MRPS7: variants seen among roughly 807,000 people sequenced by gnomAD.
MRPS7 encodes mitochondrial ribosomal protein S7.
A neutral mutation model predicts 26.2 loss-of-function variants in MRPS7; 13 were observed. The observed-to-expected ratio is 0.50, with a 90% CI of 0.32 to 0.79. The LOEUF (loss-of-function observed/expected upper bound fraction) is 0.79. Ranked by LOEUF, MRPS7 falls within the 30% of genes least tolerant of loss-of-function variation. The probability of loss-of-function intolerance (pLI) is 0.03; values close to 1 mark genes in which losing one functional copy is unlikely to be tolerated. For synonymous variants in MRPS7, 129 were observed against 113.3 expected, an observed-to-expected ratio of 1.14 and a Z score of -0.88; for missense variants, 318 against 312.2, an observed-to-expected ratio of 1.02 and a Z score of -0.14.
At chr17:75,263,174 C>G (rs1289141301) in intron 3 of MRPS7, 166 bp from the exon 4 acceptor site, 3 of 787,908 alleles carry the variant, frequency 3.8e-6, no homozygotes, top group African/African-American at 1.7e-5. Context: ...CTGTCCTAGT[C>G]TAGCAAAGGG....
intron 3 of MRPS7, 72 bp from the exon 4 acceptor site, chr17:75,263,268 C>T (rs903002140): frequency 3.8e-6 from 6 of 1,574,286 alleles, no homozygotes; most frequent in South Asian, 3.4e-5. Flanking sequence ...GAGTAAAGGG[C>T]AAGGTACTAG....
chr17:75,264,389 C>T (rs1238031912), intron 4 of MRPS7: 1 of 152,134 alleles, frequency 6.6e-6, no homozygotes, highest in Admixed American at 6.6e-5. Context: ...CTTTGTATGC[C>T]AGTGTTTGGC....
At chr17:75,262,029 A>C (rs1184042297) in intron 1 of MRPS7, 46 bp downstream of exon 1, 2 of 1,595,804 alleles carry the variant, frequency 1.3e-6, no homozygotes. Flanking sequence ...CGAGGAAGGA[A>C]GGGGGCCACA....
Position 75,265,787 on chromosome 17 carries a change from G to T in MRPS7, c.593G>T (p.Arg198Leu). Residue 198 changes from arginine to leucine, a missense_variant, in exon 5 of 5, where the codon CGG becomes CTG. Coordinates refer to ENST00000245539, the MANE Select transcript of MRPS7 (RefSeq NM_015971.4). ...GAGTGCCGGGATAAAAAGCACCAGC[G>T]GACACTGATGCCGGAGAAGCTGTCA... is the stretch of plus-strand genomic sequence containing the variant. ...ITECRDKKHQ[R>L]TLMPEKLSHK... 2 of 1,614,172 alleles carry T rather than the reference G, an allele frequency of 1.2e-6. No individual in the cohort carries two copies. Among genetic ancestry groups the T allele is most frequent in the Non-Finnish European group, 1.7e-6 (2 of 1,180,040 alleles).
chr17:75,262,106 T>A, intron 1 of MRPS7, 123 bp downstream of exon 1: 1 of 1,180,302 alleles, frequency 8.5e-7, no homozygotes, highest in Non-Finnish European at 1.2e-6. Flanking sequence ...TTCAAGCTTC[T>A]AAGTTAGCTG....
rs756272776 is a variant in MRPS7 at position 75,263,523 on chromosome 17, G to T, written c.507+16G>T. 2 of 1,613,774 alleles carry T rather than the reference G, an allele frequency of 1.2e-6. No homozygotes were observed. The highest frequency in any genetic ancestry group is 1.7e-6 in the Non-Finnish European group (2 of 1,179,974). Reference sequence around the variant, plus strand: ...TTTCTACCAGGTGAATGAATGGCCAGGGCAAGAAAGCAGGGCCCTCCACAT... The same window carrying T: ...TTTCTACCAGGTGAATGAATGGCCATGGCAAGAAAGCAGGGCCCTCCACAT... On this transcript the variant is annotated intron_variant, in intron 4 of 4. Coordinates refer to ENST00000245539, the MANE Select transcript of MRPS7 (RefSeq NM_015971.4).
rs772851300 is a variant in MRPS7 at position 75,261,905 on chromosome 17, C to CCCCCGCAGTGAAGGT, written c.5_6insCCCCGCAGTGAAGGT (p.Ala2_Ala3insProAlaValLysVal). The stretch of plus-strand genomic sequence containing the variant: ...GGGTCCTCGTGGCCAGCCAAGATGG[C>CCCCCGCAGTGAAGGT]TGCCCCCGCAGTGAAGGTTGCCCGA... On this transcript the variant is annotated inframe_insertion, in exon 1 of 5. Transcript: ENST00000245539. 1.2e-5 allele frequency: 20 copies of CCCCCGCAGTGAAGGT among 1,608,166 alleles called. No individual in the cohort carries two copies. The Admixed American group carries it at 1.7e-4, about 13-fold the overall frequency.
At chr17:75,262,441 A>G (rs764115237) in intron 1 of MRPS7, 56 bp from the exon 2 acceptor site, 12 of 1,577,252 alleles carry the variant, frequency 7.6e-6, no homozygotes, top group Non-Finnish European at 7.8e-6. Flanking sequence ...GTTAAGTCAA[A>G]CCTACTCGCT....
In MRPS7 at chr17:75,265,724, G is replaced by C. The variant is rs751278486; in HGVS notation, c.530G>C (p.Arg177Pro). 1 of 1,613,978 alleles carries C rather than the reference G, an allele frequency of 6.2e-7. No individual in the cohort carries two copies. The highest frequency in any genetic ancestry group is 8.5e-7 in the Non-Finnish European group (1 of 1,180,034). The change falls in exon 5 of 5, where the codon CGG (arginine) becomes CCG (proline). Residue 177 changes from arginine to proline, a missense_variant. Physicochemically the swap from Arg to Pro is moderately radical, Grantham distance 103. Transcript: ENST00000245539. ...CAGGTCCCTGTACCCCTACCCGACC[G>C]GCGTCGCCGCTTCCTAGCCATGAAG... Reference protein sequence around the residue: ...FYQVPVPLPDRRRRFLAMKWM... With the variant: ...FYQVPVPLPDPRRRFLAMKWM...
intron 4 of MRPS7, 62 bp downstream of exon 4, chr17:75,263,569 C>G: frequency 6.3e-7 from 1 of 1,597,796 alleles, no homozygotes; most frequent in Non-Finnish European, 8.6e-7. Context: ...ATAGGTGGTG[C>G]TTGGGAGTTG....
rs200373944 is a variant in MRPS7 at position 75,263,335 on chromosome 17, T to G, written c.340-5T>G. On this transcript the variant is annotated splice_polypyrimidine_tract_variant and splice_region_variant and intron_variant, in intron 3 of 4. Coordinates refer to ENST00000245539, the MANE Select transcript of MRPS7 (RefSeq NM_015971.4). ...GGCAGCCTCTTCCACCATATTCTTTTGCAGACTCTGGAAGCTGTGAAAAGG... is the reference window on the plus strand; with the variant it reads ...GGCAGCCTCTTCCACCATATTCTTTGGCAGACTCTGGAAGCTGTGAAAAGG... 6.2e-7 allele frequency: 1 copy of G among 1,614,052 alleles called. No homozygotes were observed. Among genetic ancestry groups the G allele is most frequent in the East Asian group, 2.2e-5 (1 of 44,868 alleles).
At chr17:75,262,058 C>G in intron 1 of MRPS7, 75 bp downstream of exon 1, 3 of 1,535,754 alleles carry the variant, frequency 2.0e-6, no homozygotes, top group Non-Finnish European at 2.7e-6. Flanking sequence ...GCGTGGGCCC[C>G]TAGAGAGAGC....
intron 4 of MRPS7, 82 bp from the exon 5 acceptor site, chr17:75,265,620 A>G: frequency 8.2e-7 from 1 of 1,220,016 alleles, no homozygotes; most frequent in Non-Finnish European, 1.2e-6. Flanking sequence ...ACATGTGGCT[A>G]CTCCTTAGAA....
Position 75,265,912 on chromosome 17 carries a change from C to T in MRPS7, c.718C>T (p.Arg240Cys), listed in dbSNP as rs756743610. 42 of 1,613,458 alleles carry T rather than the reference C, an allele frequency of 2.6e-5. No individual in the cohort carries two copies. Among genetic ancestry groups the T allele is most frequent in the Admixed American group, 6.7e-5 (4 of 60,006 alleles). ...AEANRALAHYRWW is the reference protein window; with the variant it reads ...AEANRALAHYCWW ...GGCCAACCGTGCCCTGGCCCACTAC[C>T]GCTGGTGGTAGAGTCTCCAGGAGGA... is the stretch of plus-strand genomic sequence containing the variant. The change falls in exon 5 of 5, where the codon CGC (arginine) becomes TGC (cysteine). Residue 240 changes from arginine to cysteine, a missense_variant. Transcript: ENST00000245539.
In MRPS7 at chr17:75,263,365, A is replaced by G; in HGVS notation, c.365A>G (p.Gln122Arg). 1 of 1,614,148 alleles carries G rather than the reference A, an allele frequency of 6.2e-7. No homozygotes were observed. Among genetic ancestry groups the G allele is most frequent in the Admixed American group, 1.7e-5 (1 of 60,018 alleles). Reference sequence around the variant, plus strand: ...ACTCTGGAAGCTGTGAAAAGGAAGCAGTTTGAGAAGTACCATGCCGCTTCT... The same window carrying G: ...ACTCTGGAAGCTGTGAAAAGGAAGCGGTTTGAGAAGTACCATGCCGCTTCT... Reference protein sequence around the residue: ...IQTLEAVKRKQFEKYHAASAE... With the variant: ...IQTLEAVKRKRFEKYHAASAE... Residue 122 changes from glutamine (Q) to arginine (R), a missense_variant, in exon 4 of 5, where the codon CAG becomes CGG. Transcript: ENST00000245539.
rs1350114122 is a variant in MRPS7, at chr17:75,265,963, C to T, written c.*40C>T. ...GCCCAGGGCCCTCTGCCGCAAGAAA[C>T]AGTGTGAGCTACTGCCACGCTGAAA... On this transcript the variant is annotated 3_prime_UTR_variant, in exon 5 of 5. Coordinates refer to ENST00000245539, the MANE Select transcript of MRPS7 (RefSeq NM_015971.4). 6.3e-7 allele frequency: 1 copy of T among 1,587,882 alleles called. No individual in the cohort carries two copies. The highest frequency in any genetic ancestry group is 8.6e-7 in the Non-Finnish European group (1 of 1,160,026).
At position 75,263,607 on chromosome 17, in the gene MRPS7, T is replaced by G. The variant is rs560230188; in HGVS notation, c.507+100T>G. The G allele has an allele frequency of 1.5e-4, 217 of 1,461,350 alleles. No individual in the cohort carries two copies. In the African/African-American group the frequency reaches 2.8e-3, roughly 19 times the overall value. 90.5% of individuals were successfully genotyped at this position (1,461,350 alleles called of 1,614,324 possible). On this transcript the variant is annotated intron_variant, in intron 4 of 4. Transcript: ENST00000245539. ...TCAAGATTGATAGCTTTCTAGCTGG[T>G]GCAGTGGGATTGCACCTGTAATCTC...
Position 75,262,610 on chromosome 17 carries a change from G to C in MRPS7, c.197G>C (p.Arg66Pro). 1 of 1,614,096 alleles carries C rather than the reference G, an allele frequency of 6.2e-7. No homozygotes were observed. The highest frequency in any genetic ancestry group is 8.5e-7 in the Non-Finnish European group (1 of 1,180,030). The change falls in exon 2 of 5, where the codon CGG becomes CCG. Residue 66 changes from arginine to proline, a missense_variant. Coordinates refer to ENST00000245539, the MANE Select transcript of MRPS7 (RefSeq NM_015971.4). The stretch of plus-strand genomic sequence containing the variant: ...CTAACTGAGGAGGAGAAATATGTTC[G>C]GGAGCTCAAGAAGACTCAGCTCATC... The part of the protein sequence containing the change: ...EELTEEEKYV[R>P]ELKKTQLIKA...
At chr17:75,262,135 C>G in intron 1 of MRPS7, 152 bp downstream of exon 1, 1 of 942,380 alleles carries the variant, frequency 1.1e-6, no homozygotes, top group East Asian at 2.6e-5. Context: ...TGCGCCAATC[C>G]GAAGGTTTAG....
Sources: allele counts gnomAD v4.1 joint callset, GRCh38; gene constraint gnomAD v4.1.1; transcripts MANE v1.5; gene names NCBI Gene and HGNC (gene_info 2026-07-23, HGNC 2026-07-21).